The following DPP10 variants were observed in gnomAD, a reference collection of about 807,000 sequenced individuals.
The protein encoded by DPP10 is dipeptidyl peptidase like 10.
DPP10 carries 33 observed loss-of-function variants against 120.9 expected under a neutral mutation model. The observed-to-expected ratio is 0.27, with a 90% CI of 0.21 to 0.37. The LOEUF is 0.37. Among genes scored for constraint, DPP10 ranks in the 10% least tolerant of loss-of-function variants. The pLI is 1.00. For synonymous variants in DPP10, 337 were observed against 326.1 expected (o/e 1.03, Z -0.36); for missense variants, 816 against 942.8 (o/e 0.87, Z 1.76).
chr2:114,664,722 G>A (rs1348723545), intron 1 of DPP10, among the ~76,000 whole-genome samples: 1 of 151,132 alleles, frequency 6.6e-6, no homozygotes, highest in African/African-American at 2.4e-5. Context: ...GAGGAACACA[G>A]ATGGCATAGA....
intron 2 of DPP10, among the ~76,000 whole-genome samples, chr2:115,310,254 A>T (rs1346563134): frequency 6.6e-6 from 1 of 152,124 alleles, no homozygotes; most frequent in East Asian, 1.9e-4. Flanking sequence ...ATTTATTTCC[A>T]CTTCAGGTTT....
At chr2:115,481,798 A>G (rs2075447122) in intron 3 of DPP10, among the ~76,000 whole-genome samples, 1 of 152,092 alleles carries the variant, frequency 6.6e-6, no homozygotes, top group African/African-American at 2.4e-5. Flanking sequence ...ATTGATAAAA[A>G]TACTTCATTA....
At chr2:114,984,123 A>G (rs2104877262) in intron 1 of DPP10, among the ~76,000 whole-genome samples, 1 of 152,312 alleles carries the variant, frequency 6.6e-6, no homozygotes, top group South Asian at 2.1e-4. Context: ...CTGGCCCTGT[A>G]CTTATTTCTT....
chr2:114,911,889 T>C (rs1034632253), intron 1 of DPP10, among the ~76,000 whole-genome samples: 1 of 152,122 alleles, frequency 6.6e-6, no homozygotes, highest in African/African-American at 2.4e-5. Context: ...GGAGAGAACT[T>C]AGGAGGCTGA....
At chr2:114,650,558 T>G (rs2105481505) in intron 1 of DPP10, among the ~76,000 whole-genome samples, 1 of 152,302 alleles carries the variant, frequency 6.6e-6, no homozygotes, top group South Asian at 2.1e-4. Context: ...GCTGTAAAAT[T>G]TCCCTACATT....
At chr2:115,408,359 T>A (rs1408927857) in intron 3 of DPP10, among the ~76,000 whole-genome samples, 1 of 152,134 alleles carries the variant, frequency 6.6e-6, no homozygotes, top group African/African-American at 2.4e-5. Flanking sequence ...AAGGGCAGGC[T>A]TCATCTGGGA....
chr2:114,851,896 A>G (rs951577645), intron 1 of DPP10, among the ~76,000 whole-genome samples: 7 of 151,936 alleles, frequency 4.6e-5, no homozygotes, highest in South Asian at 4.1e-4. Flanking sequence ...TCCCATTTCT[A>G]ATTCATTATC....
chr2:115,362,448 AC>A (rs1331787168), intron 3 of DPP10, among the ~76,000 whole-genome samples: 2 of 152,212 alleles, frequency 1.3e-5, no homozygotes, highest in African/African-American at 4.8e-5. Flanking sequence ...TTGAATCTAT[AC>A]TTTTTTTTAA....
chr2:114,552,142 T>C (rs866645958), intron 1 of DPP10, among the ~76,000 whole-genome samples: 1 of 152,198 alleles, frequency 6.6e-6, no homozygotes, highest in Non-Finnish European at 1.5e-5. Context: ...AAATCCCAGC[T>C]TTTTCAGCTG....
chr2:115,000,663 A>T (rs1701381138), intron 1 of DPP10, among the ~76,000 whole-genome samples: 1 of 152,170 alleles, frequency 6.6e-6, no homozygotes, highest in Admixed American at 6.5e-5. Context: ...ATGGTTATAA[A>T]ATATACTACT....
intron 5 of DPP10, among the ~76,000 whole-genome samples, chr2:115,668,377 C>A (rs958463044): frequency 2.6e-5 from 4 of 152,164 alleles, no homozygotes; most frequent in Admixed American, 2.6e-4. Flanking sequence ...ATGAATTTGG[C>A]TTCACTTTTC....
intron 1 of DPP10, among the ~76,000 whole-genome samples, chr2:114,989,990 A>G (rs1700664011): frequency 6.6e-6 from 1 of 152,156 alleles, no homozygotes; most frequent in Admixed American, 6.5e-5. Context: ...TTAACTTGCC[A>G]TATATCTTTT....
intron 3 of DPP10, among the ~76,000 whole-genome samples, chr2:115,359,861 A>G (rs1370609161): frequency 2.6e-5 from 4 of 151,768 alleles, no homozygotes; most frequent in Non-Finnish European, 4.4e-5. Flanking sequence ...AAGGACCAGT[A>G]TTTTCATTCT....
intron 1 of DPP10, among the ~76,000 whole-genome samples, chr2:115,108,292 G>C (rs941766749): frequency 2.0e-5 from 3 of 152,202 alleles, no homozygotes; most frequent in African/African-American, 7.2e-5. Flanking sequence ...GCCAGCAGAG[G>C]TTTGGTAGGT....
chr2:114,661,405 G>T (rs1255710492), intron 1 of DPP10, among the ~76,000 whole-genome samples: 1 of 152,166 alleles, frequency 6.6e-6, no homozygotes, highest in Non-Finnish European at 1.5e-5. Context: ...ACAGATTGGG[G>T]CACATGTGTT....
At chr2:115,691,597 A>G (rs1274325566) in intron 7 of DPP10, among the ~76,000 whole-genome samples, 1 of 152,108 alleles carries the variant, frequency 6.6e-6, no homozygotes, top group African/African-American at 2.4e-5. Flanking sequence ...CAGTATCTTA[A>G]TTAAAATAAG....
At chr2:115,224,874 A>G (rs895267063) in intron 1 of DPP10, among the ~76,000 whole-genome samples, 1 of 152,186 alleles carries the variant, frequency 6.6e-6, no homozygotes, top group Non-Finnish European at 1.5e-5. Flanking sequence ...TGATCACACT[A>G]AGAACTCTCA....
intron 3 of DPP10, among the ~76,000 whole-genome samples, chr2:115,441,961 G>C (rs562090972): frequency 6.6e-6 from 1 of 151,394 alleles, no homozygotes; most frequent in Non-Finnish European, 1.5e-5. Flanking sequence ...GCCTACGGGC[G>C]CACCACCATG....
intron 1 of DPP10, among the ~76,000 whole-genome samples, chr2:115,172,015 C>T (rs148309214): frequency 6.6e-6 from 1 of 152,244 alleles, no homozygotes; most frequent in Non-Finnish European, 1.5e-5. Flanking sequence ...CTCAAGCTTC[C>T]CCTCTTACAC....
Sources: gnomAD v4.1 joint callset for allele counts (sites outside exome capture counted in the v4.1 genomes callset) on GRCh38, gnomAD v4.1.1 for gene constraint, MANE v1.5 for transcripts, NCBI Gene and HGNC (gene_info 2026-07-23, HGNC 2026-07-21) for gene names.